SLC44A5: variants seen among roughly 807,000 people sequenced by gnomAD.
SLC44A5 encodes the protein choline transporter-like protein 5.
Under a neutral mutation model 101.8 loss-of-function variants are expected in SLC44A5, and 57 were observed. The observed-to-expected ratio is 0.56, with a 90% CI of 0.45 to 0.70. SLC44A5 has a LOEUF of 0.70. SLC44A5 is among the 30% of genes least tolerant of loss of function. The pLI is 0.00. For missense variants in SLC44A5, 737 were observed against 853.1 expected (o/e 0.86, Z 1.70); for synonymous variants, 281 against 290.9 (o/e 0.97, Z 0.35).
chr1:75,551,381 A>G (rs532174282), intron 1 of SLC44A5, among the ~76,000 whole-genome samples: 1 of 152,252 alleles, frequency 6.6e-6, no homozygotes, highest in African/African-American at 2.4e-5. Context: ...TGACAATTTT[A>G]CTTTTAAAAG....
chr1:75,707,682 A>C, the SLC44A5 span, among the ~76,000 whole-genome samples: 152 of 152,338 alleles, frequency 1.0e-3, no homozygotes, highest in African/African-American at 3.5e-3. Flanking sequence ...ATTTCTATGA[A>C]AACCCTATCC....
At chr1:75,389,990 C>T (rs1661675714) in intron 3 of SLC44A5, among the ~76,000 whole-genome samples, 1 of 152,034 alleles carries the variant, frequency 6.6e-6, no homozygotes, top group South Asian at 2.1e-4. Context: ...GGTGACATTA[C>T]AACCAATCCC....
At chr1:75,373,516 T>C (rs1046669476) in intron 3 of SLC44A5, among the ~76,000 whole-genome samples, 22 of 152,188 alleles carry the variant, frequency 1.4e-4, no homozygotes, top group African/African-American at 5.3e-4. Context: ...GGTTTCAAGG[T>C]GGCACGTGGT....
chr1:75,414,507 C>T (rs915058985), intron 2 of SLC44A5, among the ~76,000 whole-genome samples: 8 of 152,114 alleles, frequency 5.3e-5, no homozygotes, highest in Non-Finnish European at 7.3e-5. Context: ...ATAGGCTCTG[C>T]TCTCATGGAG....
the SLC44A5 span, among the ~76,000 whole-genome samples, chr1:75,708,914 CTT>C: frequency 5.9e-5 from 9 of 152,072 alleles, no homozygotes; most frequent in African/African-American, 2.2e-4. Flanking sequence ...ATGAATCAAT[CTT>C]ATTTTAAAAA....
the SLC44A5 span, chr1:75,710,562 TAAAAAAAAAAAAA>T: frequency 1.9e-5 from 1 of 52,304 alleles, no homozygotes; most frequent in Non-Finnish European, 3.1e-5. Flanking sequence ...AGACCCTACC[TAAAAAAAAAAAAA>T]AAAAAAAAAA....
chr1:75,590,340 G>A (rs147938448), intron 1 of SLC44A5, among the ~76,000 whole-genome samples: 176 of 152,144 alleles, frequency 1.2e-3, no homozygotes, highest in African/African-American at 3.9e-3. Context: ...CTGCCTTAAT[G>A]GAAAAAATCC....
the SLC44A5 span, among the ~76,000 whole-genome samples, chr1:75,703,826 C>T: frequency 2.6e-5 from 4 of 151,676 alleles, no homozygotes; most frequent in Non-Finnish European, 5.9e-5. Flanking sequence ...GAAGCCCATA[C>T]AAAGCTATAG....
intron 2 of SLC44A5, among the ~76,000 whole-genome samples, chr1:75,535,257 C>G (rs1451595388): frequency 6.6e-6 from 1 of 151,948 alleles, no homozygotes; most frequent in Admixed American, 6.6e-5. Context: ...GTCCTTTCGC[C>G]CTGAGAAGGT....
At chr1:75,352,598 A>T (rs1658767442) in intron 3 of SLC44A5, among the ~76,000 whole-genome samples, 1 of 151,818 alleles carries the variant, frequency 6.6e-6, no homozygotes, top group Admixed American at 6.6e-5. Context: ...ATTATTATAT[A>T]CCCCCCAAAG....
the SLC44A5 span, among the ~76,000 whole-genome samples, chr1:75,667,626 C>A: frequency 6.6e-6 from 1 of 152,056 alleles, no homozygotes; most frequent in African/African-American, 2.4e-5. Context: ...ACAAAAACAA[C>A]ACAATCTAGT....
chr1:75,624,546 A>G, the SLC44A5 span, among the ~76,000 whole-genome samples: 1 of 152,064 alleles, frequency 6.6e-6, no homozygotes, highest in Non-Finnish European at 1.5e-5. Flanking sequence ...TCCCAAAGAT[A>G]TCTCTCTAGG....
chr1:75,411,440 A>C (rs372731752), intron 2 of SLC44A5, among the ~76,000 whole-genome samples: 2 of 152,230 alleles, frequency 1.3e-5, no homozygotes, highest in African/African-American at 4.8e-5. Context: ...AAAGGTCAGA[A>C]GCAAAACAAT....
intron 3 of SLC44A5, among the ~76,000 whole-genome samples, chr1:75,364,966 G>T (rs1343112742): frequency 6.6e-6 from 1 of 151,718 alleles, no homozygotes; most frequent in East Asian, 1.9e-4. Context: ...AACTTATTTT[G>T]TTCATGAATT....
chr1:75,460,294 G>A (rs180805966), intron 2 of SLC44A5, among the ~76,000 whole-genome samples: 9 of 152,156 alleles, frequency 5.9e-5, no homozygotes, highest in African/African-American at 1.4e-4. Flanking sequence ...TCCTACTTCC[G>A]CCCAACTTTA....
rs754293827 is a variant in SLC44A5, at chr1:75,222,384, A to T, written c.1062T>A (p.Ile354=). ...IFLRNRIRVA[I]ILLKEGSKAI... is the part of the protein sequence containing the mutation. ...ACTTGCTTCCTTCCTTCAGCAGGAT[A>T]ATGGCGACTCGGATTCGATTCCTGA... The change falls in exon 14 of 24, where the codon ATT becomes ATA. Residue 354 remains isoleucine, a synonymous_variant. Coordinates refer to ENST00000370859, the MANE Select transcript of SLC44A5 (RefSeq NM_001130058.2). 6.2e-7 allele frequency: 1 copy of T among 1,613,698 alleles called. No homozygotes were observed.
chr1:75,352,666 A>C (rs551660493), intron 3 of SLC44A5, among the ~76,000 whole-genome samples: 1 of 152,204 alleles, frequency 6.6e-6, no homozygotes, highest in Admixed American at 6.5e-5. Flanking sequence ...ATGGAGTCTT[A>C]TACACTGCTA....
At chr1:75,383,158 C>T (rs1661019571) in intron 3 of SLC44A5, among the ~76,000 whole-genome samples, 1 of 68,604 alleles carries the variant, frequency 1.5e-5, no homozygotes, top group Non-Finnish European at 2.9e-5. Context: ...AAGCACAGCA[C>T]TTAATCCTTT....
intron 2 of SLC44A5, among the ~76,000 whole-genome samples, chr1:75,444,665 AAG>A (rs1429076591): frequency 6.6e-6 from 1 of 152,064 alleles, no homozygotes; most frequent in Non-Finnish European, 1.5e-5. Flanking sequence ...TAGATGCAGC[AAG>A]AGATAGCAGG....
Sources: gnomAD v4.1 joint callset for allele counts (sites outside exome capture counted in the v4.1 genomes callset) on GRCh38, gnomAD v4.1.1 for gene constraint, MANE v1.5 for transcripts, NCBI Gene and HGNC (gene_info 2026-07-23, HGNC 2026-07-21) for gene names.